Variants in NUDT9 observed in about 807,000 individuals in gnomAD.
The protein encoded by NUDT9 is ADP-ribose pyrophosphatase.
A neutral mutation model predicts 41.0 loss-of-function variants in NUDT9; 31 were observed. The observed-to-expected ratio is 0.76, with a 90% CI of 0.57 to 1.02. NUDT9 has a LOEUF of 1.02. Among genes scored for constraint, NUDT9 ranks in the 50% least tolerant of loss-of-function variants. The pLI is 0.00. For synonymous variants in NUDT9, 146 were observed against 147.6 expected (o/e 0.99, Z 0.08); for missense variants, 380 against 431.4 (o/e 0.88, Z 1.06).
chr4:87,449,107 G>T (rs747194662), intron 4 of NUDT9, 35 bp from the exon 5 acceptor site: 1 of 1,268,940 alleles, frequency 7.9e-7, no homozygotes, highest in Non-Finnish European at 1.1e-6. Flanking sequence ...AGTTTTTGTT[G>T]TAAATCCGTT....
Position 87,422,606 on chromosome 4 carries a change from G to C in NUDT9, c.-300G>C, listed in dbSNP as rs962194839. 2 of 290,350 alleles carry C rather than the reference G, an allele frequency of 6.9e-6. No individual in the cohort carries two copies. Among genetic ancestry groups the C allele is most frequent in the Non-Finnish European group, 1.3e-5 (2 of 157,922 alleles). The allele number at this position is 290,350 out of a possible 1,614,324, so 18.0% of individuals were successfully genotyped here. ...GCCGTAAAGCGCCATTACGCAGAGA[G>C]AAAGTTACGAGGTTCGTGGCCGCGG... On this transcript the variant is annotated 5_prime_UTR_variant, in exon 1 of 8. Coordinates refer to ENST00000302174, the MANE Select transcript of NUDT9 (RefSeq NM_024047.5).
chr4:87,426,720 A>G (rs1260063596), intron 1 of NUDT9, among the ~76,000 whole-genome samples: 1 of 150,932 alleles, frequency 6.6e-6, no homozygotes, highest in East Asian at 1.9e-4. Flanking sequence ...TAATGTTCTT[A>G]TTTATAAAAA....
intron 1 of NUDT9, chr4:87,434,386 C>T (rs1316166320): frequency 6.7e-6 from 1 of 149,384 alleles, no homozygotes; most frequent in African/African-American, 2.5e-5. Flanking sequence ...CAAACTTCCC[C>T]TTCCACAACA....
chr4:87,450,589 G>C (rs974948017), intron 5 of NUDT9, among the ~76,000 whole-genome samples: 1 of 151,794 alleles, frequency 6.6e-6, no homozygotes, highest in Non-Finnish European at 1.5e-5. Context: ...ATCTTGGCCA[G>C]GCTGGTCTTG....
In NUDT9 at chr4:87,443,473, A is replaced by G. The variant is rs185070547; in HGVS notation, c.530+1558A>G. 4.2e-3 allele frequency among the ~76,000 whole-genome samples: 635 copies of G among 152,336 alleles called. 6 individuals are homozygous for G. Among genetic ancestry groups the G allele is most frequent in the African/African-American group, 0.014 (590 of 41,570 alleles). On this transcript the variant is annotated intron_variant, in intron 4 of 7. Transcript: ENST00000302174. ...CTCAGCATTGAGTAGGCACTTTGGT[A>G]AATATAAAAAATTCTAAGAATCCTA... is the stretch of plus-strand genomic sequence containing the variant.
chr4:87,428,180 C>A (rs1578064811), intron 1 of NUDT9, among the ~76,000 whole-genome samples: 1 of 152,190 alleles, frequency 6.6e-6, no homozygotes, highest in East Asian at 1.9e-4. Context: ...CCACACTTTG[C>A]AGATGTAAAG....
intron 1 of NUDT9, among the ~76,000 whole-genome samples, chr4:87,423,887 A>T (rs139602636): frequency 1.1e-4 from 16 of 152,326 alleles, no homozygotes; most frequent in African/African-American, 3.8e-4. Context: ...CCAGATGGGT[A>T]GACTGGGAAC....
intron 2 of NUDT9, among the ~76,000 whole-genome samples, chr4:87,437,409 C>T (rs992979312): frequency 9.2e-5 from 14 of 151,970 alleles, no homozygotes; most frequent in African/African-American, 2.4e-4. Flanking sequence ...GGCGCCATCT[C>T]GGCTCACTGG....
chr4:87,438,612 G>A (rs1224035614), intron 3 of NUDT9, among the ~76,000 whole-genome samples: 2 of 152,138 alleles, frequency 1.3e-5, no homozygotes, highest in Non-Finnish European at 2.9e-5. Context: ...GCGTTTGAAT[G>A]CATCTTTTTG....
Position 87,441,846 on chromosome 4 carries a change from C to T in NUDT9, c.461C>T (p.Thr154Ile). The T allele has an allele frequency of 6.2e-7, 1 of 1,613,616 alleles. No homozygotes were observed. Among genetic ancestry groups the T allele is most frequent in the East Asian group, 2.2e-5 (1 of 44,850 alleles). ...TTTTCCAGAAATCCTGCAGGACGGA[C>T]TGGACTGGTGGGCCGGGGGCTTTTG... ...NGRPRNPAGR[T>I]GLVGRGLLGR... Residue 154 changes from threonine to isoleucine, a missense_variant, in exon 4 of 8, where the codon ACT becomes ATT. Transcript: ENST00000302174.
chr4:87,435,008 T>G lies in NUDT9; in HGVS notation c.135T>G (p.His45Gln), dbSNP rs1351047769. ...FRNSFSSSWF[H>Q]LNTNVMSGSN... ...ACTCGTTTTCATCTTCTTGGTTTCA[T>G]CTTAATACCAACGTCATGTCTGGTT... Residue 45 changes from histidine (H) to glutamine (Q), a missense_variant, in exon 2 of 8, where the codon CAT (histidine) becomes CAG (glutamine). By Grantham distance (24) the His-to-Gln change is conservative (BLOSUM62 0). Coordinates refer to ENST00000302174, the MANE Select transcript of NUDT9 (RefSeq NM_024047.5). 1 of 1,613,616 alleles carries G rather than the reference T, an allele frequency of 6.2e-7. No individual in the cohort carries two copies. Among genetic ancestry groups the G allele is most frequent in the Admixed American group, 1.7e-5 (1 of 60,012 alleles).
At chr4:87,443,054 T>C (rs78593979) in intron 4 of NUDT9, among the ~76,000 whole-genome samples, 5 of 152,232 alleles carry the variant, frequency 3.3e-5, no homozygotes, top group Admixed American at 6.5e-5. Context: ...TGTACTCTTA[T>C]GACTGGCAGT....
At position 87,454,356 on chromosome 4, in the gene NUDT9, T is replaced by C. The variant is rs1160137187; in HGVS notation, c.790-15T>C. 1.3e-6 allele frequency: 2 copies of C among 1,548,564 alleles called. No individual in the cohort carries two copies. The highest frequency in any genetic ancestry group is 1.8e-6 in the Non-Finnish European group (2 of 1,120,602). On this transcript the variant is annotated splice_polypyrimidine_tract_variant and intron_variant, in intron 6 of 7. Transcript: ENST00000302174. ...ACCTTGGACTTTTAAAAAATTTGTCTTCTTTTGAAAATAGATATATAAGGG... is the reference window on the plus strand; with the variant it reads ...ACCTTGGACTTTTAAAAAATTTGTCCTCTTTTGAAAATAGATATATAAGGG...
At chr4:87,448,138 ATTTTTTTTTTT>A (rs1213818782) in intron 4 of NUDT9, among the ~76,000 whole-genome samples, 4 of 92,384 alleles carry the variant, frequency 4.3e-5, no homozygotes, top group Admixed American at 2.7e-4. Context: ...TTAAAAGCAA[ATTTTTTTTTTT>A]TTTTTTTTTT....
intron 1 of NUDT9, among the ~76,000 whole-genome samples, chr4:87,433,043 A>C (rs1423198867): frequency 6.6e-6 from 1 of 152,114 alleles, no homozygotes; most frequent in Non-Finnish European, 1.5e-5. Flanking sequence ...CTTCCTCTTC[A>C]CGTTTTTGGA....
At chr4:87,456,122 G>A (rs1722980927) in intron 7 of NUDT9, among the ~76,000 whole-genome samples, 2 of 152,048 alleles carry the variant, frequency 1.3e-5, no homozygotes, top group South Asian at 4.1e-4. Flanking sequence ...TCTAGTTTTG[G>A]GTTTCCCTGG....
At position 87,439,145 on chromosome 4, in the gene NUDT9, G is replaced by A. The variant is rs192863551; in HGVS notation, c.443+773G>A. On this transcript the variant is annotated intron_variant, in intron 3 of 7. Coordinates refer to ENST00000302174, the MANE Select transcript of NUDT9 (RefSeq NM_024047.5). ...TGCGCCACTGCACTCCAGCCTGGGC[G>A]ACAGAGCGAGACTCCATCTCAAAAA... 4.9e-3 allele frequency among the ~76,000 whole-genome samples: 717 copies of A among 146,774 alleles called. 5 individuals carry two copies. The highest frequency in any genetic ancestry group is 0.012 in the Admixed American group (183 of 14,938).
chr4:87,449,347 C>A, intron 5 of NUDT9, 94 bp downstream of exon 5: 1 of 712,560 alleles, frequency 1.4e-6, no homozygotes, highest in East Asian at 2.7e-5. Flanking sequence ...TTCCATTTTC[C>A]TCTATTCCTT....
chr4:87,454,228 G>A, intron 6 of NUDT9, 143 bp from the exon 7 acceptor site: 1 of 517,346 alleles, frequency 1.9e-6, no homozygotes, highest in African/African-American at 1.9e-5. Context: ...CTAAACTGTT[G>A]AAGGTACAGC....
Sources: gnomAD v4.1 joint callset for allele counts (sites outside exome capture counted in the v4.1 genomes callset) on GRCh38, gnomAD v4.1.1 for gene constraint, MANE v1.5 for transcripts, NCBI Gene and HGNC (gene_info 2026-07-23, HGNC 2026-07-21) for gene names.